The following ZNF574 variants were observed in gnomAD, a reference collection of about 807,000 sequenced individuals.
ZNF574 encodes the protein zinc finger protein 574.
ZNF574 carries 25 observed loss-of-function variants against 56.6 expected under a neutral mutation model. The ratio of observed to expected loss-of-function variants is 0.44; its 90% CI spans 0.32 to 0.62. The LOEUF (loss-of-function observed/expected upper bound fraction) is 0.62, where lower values mean the gene tolerates loss of function less well. ZNF574 is among the 20% of genes least tolerant of loss of function. The probability of loss-of-function intolerance (pLI) is 0.04; values close to 1 mark genes in which losing one functional copy is unlikely to be tolerated. For missense variants in ZNF574, 1,065 were observed against 1,218.9 expected (o/e 0.87, Z 1.88); for synonymous variants, 543 against 492.1 (o/e 1.10, Z -1.37).
Position 42,081,307 on chromosome 19 carries a change from A to C in ZNF574, c.*10A>C. 1 of 1,613,992 alleles carries C rather than the reference A, an allele frequency of 6.2e-7. No homozygotes were observed. Among genetic ancestry groups the C allele is most frequent in the Non-Finnish European group, 8.5e-7 (1 of 1,180,014 alleles). ...CCAGATCAGTGGCTGACTCTGCCCGACTTCCTCTTTGGCACCTCCATTCCC... is the reference window on the plus strand; with the variant it reads ...CCAGATCAGTGGCTGACTCTGCCCGCCTTCCTCTTTGGCACCTCCATTCCC... On this transcript the variant is annotated 3_prime_UTR_variant, in exon 2 of 2. Coordinates refer to ENST00000359044, the MANE Select transcript of ZNF574 (RefSeq NM_022752.6).
Position 42,081,479 on chromosome 19 carries a change from G to GC in ZNF574, c.*189dup, listed in dbSNP as rs1246280686. On this transcript the variant is annotated 3_prime_UTR_variant, in exon 2 of 2. Transcript: ENST00000359044. ...TGGGGTCCTTGACACACATAAAGGT[G>GC]CCCCCCCACCTTCCACCTCTTAGCA... 3.3e-5 allele frequency: 25 copies of GC among 764,550 alleles called. No homozygotes were observed. Among genetic ancestry groups the GC allele is most frequent in the East Asian group, 8.1e-5 (3 of 36,984 alleles). The allele number at this position is 764,550 out of a possible 1,614,324, so 47.4% of individuals were successfully genotyped here. A position where few individuals can be genotyped will look rare whatever the true frequency, so the allele number is the denominator to read the frequency against.
At chr19:42,070,112 C>T (rs1203305557) in intron 1 of ZNF574, among the ~76,000 whole-genome samples, 9 of 152,144 alleles carry the variant, frequency 5.9e-5, no homozygotes, top group Non-Finnish European at 1.3e-4. Context: ...CTGGGCCTGC[C>T]TCCCTGCCGC....
Position 42,081,100 on chromosome 19 carries a change from C to T in ZNF574, c.2494C>T (p.Arg832Cys), listed in dbSNP as rs772200753. 1.9e-6 allele frequency: 3 copies of T among 1,614,056 alleles called. No individual in the cohort carries two copies. Among genetic ancestry groups the T allele is most frequent in the Non-Finnish European group, 1.7e-6 (2 of 1,180,056 alleles). Reference sequence around the variant, plus strand: ...CTGCCCTGACTGTGGCAAGAGCTACCGCTCCTTCTCCAACCTCTGGAAGCA... The same window carrying T: ...CTGCCCTGACTGTGGCAAGAGCTACTGCTCCTTCTCCAACCTCTGGAAGCA... ...YSCPDCGKSY[R>C]SFSNLWKHRK... is the part of the protein sequence containing the mutation. Residue 832 changes from arginine to cysteine, a missense_variant, in exon 2 of 2, where the codon CGC (arginine) becomes TGC (cysteine). Arg to Cys is a radical substitution (Grantham distance 180, BLOSUM62 -3). Coordinates refer to ENST00000359044, the MANE Select transcript of ZNF574 (RefSeq NM_022752.6).
Position 42,078,642 on chromosome 19 carries a change from T to C in ZNF574, c.36T>C (p.Ile12=). 1 of 1,613,954 alleles carries C rather than the reference T, an allele frequency of 6.2e-7. No homozygotes were observed. Among genetic ancestry groups the C allele is most frequent in the African/African-American group, 1.3e-5 (1 of 75,024 alleles). ...AATCAGAGGAGACAGTCCTGTACATTGAGCACCGCTATGTCTGCTCTGAGT... is the reference window on the plus strand; with the variant it reads ...AATCAGAGGAGACAGTCCTGTACATCGAGCACCGCTATGTCTGCTCTGAGT... ...TEESEETVLY[I]EHRYVCSECN... Residue 12 remains isoleucine, a synonymous_variant, in exon 2 of 2, where the codon ATT becomes ATC. Coordinates refer to ENST00000359044, the MANE Select transcript of ZNF574 (RefSeq NM_022752.6).
upstream of ZNF574, chr19:42,074,853 C>G (rs929763783): frequency 1.3e-5 from 2 of 152,184 alleles, no homozygotes; most frequent in African/African-American, 4.8e-5. Context: ...TGAAATTCCT[C>G]TGTGTTTGGG....
rs755154770 is a variant in ZNF574, at chr19:42,079,694, A to G, written c.1088A>G (p.His363Arg). The change falls in exon 2 of 2, where the codon CAC (histidine) becomes CGC (arginine). Residue 363 changes from histidine to arginine, a missense_variant. Physicochemically the swap from His to Arg is conservative, Grantham distance 29. Coordinates refer to ENST00000359044, the MANE Select transcript of ZNF574 (RefSeq NM_022752.6). The surrounding 1 kb of genome is among the most constrained non-coding windows in gnomAD (Gnocchi z 4.3). Reference sequence around the variant, plus strand: ...CTTGGAGACCATAGCAGCGAGTCACACTTCCTGTGTGTAGACTGTGGCCTG... The same window carrying G: ...CTTGGAGACCATAGCAGCGAGTCACGCTTCCTGTGTGTAGACTGTGGCCTG... ...QHLGDHSSES[H>R]FLCVDCGLAF... is the part of the protein sequence containing the mutation. 6.8e-6 allele frequency: 11 copies of G among 1,614,092 alleles called. No homozygotes were observed. Among genetic ancestry groups the G allele is most frequent in the Non-Finnish European group, 9.3e-6 (11 of 1,180,022 alleles).
At chr19:42,072,316 G>A (rs1036177886), upstream of ZNF574, among the ~76,000 whole-genome samples, 3 of 145,726 alleles carry the variant, frequency 2.1e-5, no homozygotes, top group African/African-American at 7.7e-5. Flanking sequence ...CTCACTGCAA[G>A]CTCTGCCTCC....
At chr19:42,076,686 G>C (rs1485192427) in intron 1 of ZNF574, among the ~76,000 whole-genome samples, 1 of 152,228 alleles carries the variant, frequency 6.6e-6, no homozygotes, top group Non-Finnish European at 1.5e-5. Flanking sequence ...TGCCCAGTTA[G>C]GGGCTTAGGG....
rs1471642958 is a variant in ZNF574 at position 42,080,650 on chromosome 19, C to T, written c.2044C>T (p.Leu682=). 9 of 1,613,024 alleles carry T rather than the reference C, an allele frequency of 5.6e-6. No individual in the cohort carries two copies. The highest frequency in any genetic ancestry group is 7.6e-6 in the Non-Finnish European group (9 of 1,179,914). Residue 682 remains leucine (L), a synonymous_variant, in exon 2 of 2, where the codon CTG becomes TTG. Transcript: ENST00000359044. This position sits in a 1 kb window ranked among gnomAD's most constrained non-coding sequence, Gnocchi z 8.5. ...CAAGAAAGTGGGCTCAGCTGCTCGA[C>T]TGCAGGCACACGAGGCGGCCCATGC... is the stretch of plus-strand genomic sequence containing the variant. ...CGKKVGSAAR[L]QAHEAAHAAA...
upstream of ZNF574, among the ~76,000 whole-genome samples, chr19:42,073,814 CAAAAAAAA>C (rs577928373): frequency 9.0e-3 from 290 of 32,060 alleles, 2 homozygotes; most frequent in African/African-American, 0.035. Context: ...TAGACTGTCT[CAAAAAAAA>C]AAAAAAAAAA....
At chr19:42,073,187 A>T (rs560166945), upstream of ZNF574, among the ~76,000 whole-genome samples, 15 of 151,876 alleles carry the variant, frequency 9.9e-5, no homozygotes, top group Non-Finnish European at 1.9e-4. Context: ...TGGAATCCTG[A>T]CTCTTCCTAA....
At chr19:42,077,271 C>T (rs1428468915) in intron 1 of ZNF574, among the ~76,000 whole-genome samples, 1 of 151,888 alleles carries the variant, frequency 6.6e-6, no homozygotes, top group African/African-American at 2.4e-5. Flanking sequence ...GTCCGGGTAT[C>T]CCTAAAGGGG....
upstream of ZNF574, among the ~76,000 whole-genome samples, chr19:42,072,952 C>G (rs1275267662): frequency 1.3e-5 from 2 of 152,274 alleles, no homozygotes; most frequent in African/African-American, 4.8e-5. Context: ...AAAAACTGAG[C>G]ATGGCTTCCA....
upstream of ZNF574, among the ~76,000 whole-genome samples, chr19:42,073,702 T>C (rs1037023615): frequency 1.4e-5 from 2 of 148,028 alleles, no homozygotes; most frequent in Non-Finnish European, 3.0e-5. Flanking sequence ...TGTATGCCTG[T>C]AATCCCAGCT....
rs1169832024 is a variant in ZNF574, at chr19:42,080,126, A to C, written c.1520A>C (p.Lys507Thr). 32 of 1,614,088 alleles carry C rather than the reference A, an allele frequency of 2.0e-5. No individual in the cohort carries two copies. In the East Asian group the frequency reaches 5.6e-4, roughly 28 times the overall value. Residue 507 changes from lysine to threonine, a missense_variant, in exon 2 of 2, where the codon AAG becomes ACG. Physicochemically the swap from Lys to Thr is moderately conservative, Grantham distance 78. Coordinates refer to ENST00000359044, the MANE Select transcript of ZNF574 (RefSeq NM_022752.6). This position sits in a 1 kb window ranked among gnomAD's most constrained non-coding sequence, Gnocchi z 8.5. ...ATTTGTGGCAAGATGTTCAAGAAGA[A>C]GTCTCACGTGCGTAACCACCTGCGC... is the stretch of plus-strand genomic sequence containing the variant. ...CSICGKMFKKKSHVRNHLRTH... is the reference protein window; with the variant it reads ...CSICGKMFKKTSHVRNHLRTH...
chr19:42,081,471 A>C lies in ZNF574; in HGVS notation c.*174A>C. 1.2e-6 allele frequency: 1 copy of C among 825,512 alleles called. No homozygotes were observed. Among genetic ancestry groups the C allele is most frequent in the Non-Finnish European group, 2.0e-6 (1 of 508,822 alleles). The allele number at this position is 825,512 out of a possible 1,614,324, so 51.1% of individuals were successfully genotyped here. On this transcript the variant is annotated 3_prime_UTR_variant, in exon 2 of 2. Coordinates refer to ENST00000359044, the MANE Select transcript of ZNF574 (RefSeq NM_022752.6). ...GGGTGCTCTGGGGTCCTTGACACAC[A>C]TAAAGGTGCCCCCCCACCTTCCACC...
chr19:42,081,415 G>A lies in ZNF574; in HGVS notation c.*118G>A, dbSNP rs1211694055. 2 of 1,347,334 alleles carry A rather than the reference G, an allele frequency of 1.5e-6. No homozygotes were observed. Among genetic ancestry groups the A allele is most frequent in the South Asian group, 1.2e-5 (1 of 81,784 alleles). The allele number at this position is 1,347,334 out of a possible 1,614,324, so 83.5% of individuals were successfully genotyped here. A position where few individuals can be genotyped will look rare whatever the true frequency, so the allele number is the denominator to read the frequency against. ...TCTTCCCATCCCCACCACCTTGTAAGTTCTAAATTGGATTTATTCTCTCGT... is the reference window on the plus strand; with the variant it reads ...TCTTCCCATCCCCACCACCTTGTAAATTCTAAATTGGATTTATTCTCTCGT... On this transcript the variant is annotated 3_prime_UTR_variant, in exon 2 of 2. Transcript: ENST00000359044.
chr19:42,078,318 C>T (rs1335345392), intron 1 of ZNF574, among the ~76,000 whole-genome samples: 2 of 151,934 alleles, frequency 1.3e-5, no homozygotes, highest in African/African-American at 2.4e-5. Context: ...GGACAGGTTA[C>T]AAGGATCTGG....
intron 1 of ZNF574, among the ~76,000 whole-genome samples, chr19:42,076,602 G>C (rs2076457729): frequency 6.6e-6 from 1 of 152,226 alleles, no homozygotes; most frequent in African/African-American, 2.4e-5. Flanking sequence ...CGGCTCCCCA[G>C]GGTTTGGGGT....
Sources: gnomAD v4.1 joint callset for allele counts (sites outside exome capture counted in the v4.1 genomes callset) on GRCh38, gnomAD v4.1.1 for gene constraint, Gnocchi (gnomAD v3.1) non-coding constraint, MANE v1.5 for transcripts, NCBI Gene and HGNC (gene_info 2026-07-23, HGNC 2026-07-21) for gene names.